The following FGF14 variants were observed in gnomAD, a reference collection of about 807,000 sequenced individuals.
FGF14 encodes fibroblast growth factor 14, also known as fibroblast growth factor homologous factor 4.
FGF14 carries 5 observed loss-of-function variants against 25.5 expected under a neutral mutation model. The ratio of observed to expected loss-of-function variants is 0.20; its 90% CI spans 0.10 to 0.41. FGF14 has a LOEUF of 0.41. Ranked by LOEUF, FGF14 falls within the 10% of genes least tolerant of loss-of-function variation. FGF14 has a pLI of 1.00. For missense variants in FGF14, 222 were observed against 320.1 expected (o/e 0.69, Z 2.34); for synonymous variants, 138 against 118.3 (o/e 1.17, Z -1.08).
intron 3 of FGF14, among the ~76,000 whole-genome samples, chr13:101,838,958 T>C (rs1179968937): frequency 2.0e-5 from 3 of 152,064 alleles, no homozygotes; most frequent in Non-Finnish European, 4.4e-5. Flanking sequence ...CTTACAAATA[T>C]CAAGCGAGGT....
intron 1 of FGF14, among the ~76,000 whole-genome samples, chr13:102,110,758 G>T (rs937303461): frequency 2.0e-5 from 3 of 152,044 alleles, no homozygotes; most frequent in Non-Finnish European, 4.4e-5. Flanking sequence ...TCTAGGGAAA[G>T]AATTTCAAGC....
intron 1 of FGF14, among the ~76,000 whole-genome samples, chr13:102,248,315 T>G (rs1021734279): frequency 6.6e-6 from 1 of 152,122 alleles, no homozygotes; most frequent in Non-Finnish European, 1.5e-5. Flanking sequence ...TATAAAGAAG[T>G]AGAAAATATT....
intron 1 of FGF14, among the ~76,000 whole-genome samples, chr13:101,946,085 C>A (rs1313051761): frequency 1.3e-5 from 2 of 152,070 alleles, no homozygotes; most frequent in Non-Finnish European, 2.9e-5. Flanking sequence ...CCATGCTAAT[C>A]TTTTATACCT....
intron 1 of FGF14, among the ~76,000 whole-genome samples, chr13:102,028,377 G>A (rs573934394): frequency 2.6e-5 from 4 of 152,216 alleles, no homozygotes; most frequent in Non-Finnish European, 5.9e-5. Flanking sequence ...TTCCACCAGT[G>A]GAAGTGAGAA....
intron 1 of FGF14, among the ~76,000 whole-genome samples, chr13:101,888,410 C>G (rs1403211252): frequency 6.6e-6 from 1 of 152,052 alleles, no homozygotes; most frequent in Non-Finnish European, 1.5e-5. Flanking sequence ...GTAGCATTTT[C>G]TGTGTGCATA....
chr13:101,823,523 C>T lies in FGF14; in HGVS notation c.408+45202G>A, dbSNP rs1329273571. Among the ~76,000 whole-genome samples the T allele has an allele frequency of 1.3e-5, 2 of 150,660 alleles. 1 individual carries two copies. Among genetic ancestry groups the T allele is most frequent in the Non-Finnish European group, 3.0e-5 (2 of 67,738 alleles). The stretch of plus-strand genomic sequence containing the variant: ...CGCGATCTCGGCTCACCACAACCAC[C>T]GCCTCCCAGGTTCAAGCGATTCTCC... On this transcript the variant is annotated intron_variant, in intron 3 of 4. Transcript: ENST00000376143.
At chr13:101,731,238 G>A (rs1204719433) in intron 3 of FGF14, among the ~76,000 whole-genome samples, 3 of 152,182 alleles carry the variant, frequency 2.0e-5, no homozygotes, top group African/African-American at 7.2e-5. Flanking sequence ...AAAACTGGCA[G>A]TGATAATATG....
chr13:102,174,650 T>C (rs1226790726), intron 1 of FGF14, among the ~76,000 whole-genome samples: 1 of 152,108 alleles, frequency 6.6e-6, no homozygotes, highest in Non-Finnish European at 1.5e-5. Context: ...GAGATCATAA[T>C]TCTAAGCAAA....
chr13:102,336,534 T>C (rs2056792767), intron 1 of FGF14, among the ~76,000 whole-genome samples: 1 of 152,244 alleles, frequency 6.6e-6, no homozygotes, highest in Admixed American at 6.5e-5. Context: ...CAAGTGCTGA[T>C]GCAGAAGCTG....
intron 1 of FGF14, among the ~76,000 whole-genome samples, chr13:102,086,411 T>C (rs1323559333): frequency 6.6e-6 from 1 of 151,916 alleles, no homozygotes; most frequent in East Asian, 1.9e-4. Context: ...GCGCATGTAG[T>C]CCCAGCTACT....
chr13:101,889,130 C>T (rs1299179343), intron 1 of FGF14, among the ~76,000 whole-genome samples: 1 of 152,102 alleles, frequency 6.6e-6, no homozygotes, highest in Non-Finnish European at 1.5e-5. Context: ...TGATCTTGAC[C>T]TTGCAGCTTT....
intron 1 of FGF14, among the ~76,000 whole-genome samples, chr13:102,271,598 G>A (rs1022147835): frequency 1.3e-5 from 2 of 152,126 alleles, no homozygotes; most frequent in Non-Finnish European, 2.9e-5. Flanking sequence ...TAGGTTCACT[G>A]GAGTTAATAT....
rs1245958369 is a variant in FGF14, at chr13:102,161,565, TGAAGA to T, written c.208+239901_208+239905del. Among the ~76,000 whole-genome samples, 693 of 97,896 alleles carry T rather than the reference TGAAGA, an allele frequency of 7.1e-3. 79 individuals carry two copies. Among genetic ancestry groups the T allele is most frequent in the African/African-American group, 0.02 (610 of 30,736 alleles). 64.2% of individuals were successfully genotyped at this position (97,896 alleles called of 152,430 possible). A position where few individuals can be genotyped will look rare whatever the true frequency, so the allele number is the denominator to read the frequency against. On this transcript the variant is annotated intron_variant, in intron 1 of 4. Coordinates refer to the FGF14 transcript ENST00000376131. Reference sequence around the variant, plus strand: ...TATTCTCTATGCAACCAACTTTCTGTGAAGAAAGAAAGAAGAAGAAGAAGAAGAAG... The same window carrying T: ...TATTCTCTATGCAACCAACTTTCTGTAAGAAAGAAGAAGAAGAAGAAGAAG...
intron 1 of FGF14, among the ~76,000 whole-genome samples, chr13:102,012,696 G>A (rs2040142906): frequency 6.6e-6 from 1 of 152,194 alleles, no homozygotes; most frequent in Non-Finnish European, 1.5e-5. Flanking sequence ...TTTTTGGAGT[G>A]TGACAAAATG....
At chr13:101,846,845 A>G (rs754240715) in intron 3 of FGF14, among the ~76,000 whole-genome samples, 3 of 152,060 alleles carry the variant, frequency 2.0e-5, no homozygotes, top group Non-Finnish European at 2.9e-5. Context: ...TTACAAAAGA[A>G]TTATGTGGGA....
At chr13:102,196,915 T>C (rs544434) in intron 1 of FGF14, among the ~76,000 whole-genome samples, 12,106 of 151,842 alleles carry the variant, frequency 0.08, 1,628 homozygotes, top group African/African-American at 0.28. Flanking sequence ...CAGTGGTTTA[T>C]CTTTGAAGAG....
chr13:101,738,820 G>A (rs973448916), intron 3 of FGF14, among the ~76,000 whole-genome samples: 1 of 150,440 alleles, frequency 6.6e-6, no homozygotes, highest in African/African-American at 2.4e-5. Context: ...CTATAAAGTG[G>A]GAAGAATCAT....
chr13:102,307,605 C>T (rs1006829726), intron 1 of FGF14, among the ~76,000 whole-genome samples: 1 of 152,064 alleles, frequency 6.6e-6, no homozygotes, highest in African/African-American at 2.4e-5. Context: ...TGTTATTGTA[C>T]TAAGTGCTTC....
At chr13:102,065,199 G>C (rs1034678469) in intron 1 of FGF14, among the ~76,000 whole-genome samples, 2 of 152,158 alleles carry the variant, frequency 1.3e-5, no homozygotes, top group Non-Finnish European at 2.9e-5. Context: ...TGTACTTCTA[G>C]AAGTAACCAT....
Sources: allele counts gnomAD v4.1 joint callset (sites outside exome capture counted in the v4.1 genomes callset), GRCh38; gene constraint gnomAD v4.1.1; transcripts MANE v1.5; gene names NCBI Gene and HGNC (gene_info 2026-07-23, HGNC 2026-07-21).